DLC1: variants seen among roughly 807,000 people sequenced by gnomAD.
DLC1 encodes the protein rho GTPase-activating protein 7.
DLC1 carries 54 observed loss-of-function variants against 140.3 expected under a neutral mutation model. The ratio of observed to expected loss-of-function variants is 0.38; its 90% CI spans 0.31 to 0.48. The LOEUF is 0.48. Among genes scored for constraint, DLC1 ranks in the 20% least tolerant of loss-of-function variants. The probability of loss-of-function intolerance (pLI) is 0.96; values close to 1 mark genes in which losing one functional copy is unlikely to be tolerated. For synonymous variants in DLC1, 986 were observed against 728.1 expected, an observed-to-expected ratio of 1.35 and a Z score of -5.70; for missense variants, 2,536 against 1,907.0, an observed-to-expected ratio of 1.33 and a Z score of -6.14.
rs138843711 is a variant in DLC1 at position 13,532,721 on chromosome 8, C to G, written c.-125-32525G>C. ...CCTCCCACTTCGGCCTCCCATAGTG[C>G]TGGGACTACAGGTGTGAGCCACCAG... On this transcript the variant is annotated intron_variant, in intron 1 of 1. Coordinates refer to the DLC1 transcript ENST00000631382. 5.1e-4 allele frequency among the ~76,000 whole-genome samples: 77 copies of G among 152,310 alleles called. 1 individual carries two copies. In the East Asian group the frequency reaches 0.014, roughly 27 times the overall value.
At chr8:13,416,728 C>G (rs959719997) in intron 2 of DLC1, among the ~76,000 whole-genome samples, 6 of 152,058 alleles carry the variant, frequency 3.9e-5, no homozygotes, top group African/African-American at 1.4e-4. Flanking sequence ...ATAGTGAATA[C>G]CTGATTAGAA....
chr8:13,123,455 C>T (rs999538839), intron 5 of DLC1, among the ~76,000 whole-genome samples: 31 of 152,224 alleles, frequency 2.0e-4, no homozygotes, highest in Non-Finnish European at 1.0e-4. Context: ...ATTCTCCTGC[C>T]TCAGCCTCCT....
chr8:13,590,077 A>ATATATATATATCTC (rs11272767), intron 1 of DLC1, among the ~76,000 whole-genome samples: 22 of 145,186 alleles, frequency 1.5e-4, no homozygotes, highest in African/African-American at 5.0e-4. Flanking sequence ...ATATATATAT[A>ATATATATATATCTC]CAAACACATG....
intron 5 of DLC1, among the ~76,000 whole-genome samples, chr8:13,122,009 C>T (rs545489642): frequency 6.6e-6 from 1 of 152,238 alleles, no homozygotes; most frequent in African/African-American, 2.4e-5. Flanking sequence ...CTTTGTATTC[C>T]TTCGTCCTGG....
chr8:13,565,673 C>G (rs1804403389), intron 1 of DLC1, among the ~76,000 whole-genome samples: 1 of 151,998 alleles, frequency 6.6e-6, no homozygotes. Context: ...AATAATACCC[C>G]CCAATCCCCA....
At chr8:13,412,279 A>C (rs1837815029) in intron 2 of DLC1, among the ~76,000 whole-genome samples, 1 of 152,220 alleles carries the variant, frequency 6.6e-6, no homozygotes, top group African/African-American at 2.4e-5. Context: ...AATCATGACC[A>C]CACTCAAGTT....
At chr8:13,492,882 G>T (rs1801325487) in intron 2 of DLC1, among the ~76,000 whole-genome samples, 1 of 152,010 alleles carries the variant, frequency 6.6e-6, no homozygotes, top group Non-Finnish European at 1.5e-5. Context: ...TGGCTTTCTG[G>T]TTATTTATAA....
intron 4 of DLC1, among the ~76,000 whole-genome samples, chr8:13,310,276 T>C (rs1832622298): frequency 6.6e-6 from 1 of 152,224 alleles, no homozygotes; most frequent in Non-Finnish European, 1.5e-5. Context: ...GTGTTTGGAG[T>C]ACTGTTTAAG....
chr8:13,236,478 C>G (rs1185787318), intron 5 of DLC1, among the ~76,000 whole-genome samples: 1 of 152,066 alleles, frequency 6.6e-6, no homozygotes, highest in Non-Finnish European at 1.5e-5. Context: ...GCCTATCAAC[C>G]TTGTCCATAT....
chr8:13,418,996 C>G (rs1218299341), intron 2 of DLC1, among the ~76,000 whole-genome samples: 1 of 150,772 alleles, frequency 6.6e-6, no homozygotes, highest in African/African-American at 2.4e-5. Context: ...GGAGTTCACT[C>G]ATGATTTGGC....
At chr8:13,408,314 C>T (rs1837651472) in intron 2 of DLC1, among the ~76,000 whole-genome samples, 1 of 152,146 alleles carries the variant, frequency 6.6e-6, no homozygotes, top group East Asian at 1.9e-4. Context: ...AATCTTTTAA[C>T]TGACATGTAA....
At position 13,283,913 on chromosome 8, in the gene DLC1, G is replaced by A. The variant is rs185236957; in HGVS notation, c.1348+21356C>T. Among the ~76,000 whole-genome samples, 27 of 152,268 alleles carry A rather than the reference G, an allele frequency of 1.8e-4. 1 individual carries two copies. Among genetic ancestry groups the A allele is most frequent in the Middle Eastern group, 6.8e-3 (2 of 294 alleles). On this transcript the variant is annotated intron_variant, in intron 5 of 17. Coordinates refer to ENST00000276297, the MANE Select transcript of DLC1 (RefSeq NM_182643.3). The stretch of plus-strand genomic sequence containing the variant: ...AAGAAGATGGAGCAGAACAAAGAGT[G>A]AGATCTGCAGAGGGGTCTTCCCAAG...
chr8:13,597,927 C>G (rs1982689), intron 1 of DLC1, among the ~76,000 whole-genome samples: 3,370 of 151,848 alleles, frequency 0.022, 125 homozygotes, highest in African/African-American at 0.077. Context: ...ATTTAGTCAC[C>G]GCTTTATGGG....
chr8:13,196,424 A>G (rs548246697), intron 5 of DLC1, among the ~76,000 whole-genome samples: 1 of 152,286 alleles, frequency 6.6e-6, no homozygotes, highest in Admixed American at 6.5e-5. Flanking sequence ...TCATTTCAAC[A>G]CATACCCGTG....
At chr8:13,498,832 C>G in intron 2 of DLC1, 1 of 509,314 alleles carries the variant, frequency 2.0e-6, no homozygotes, top group Non-Finnish European at 3.3e-6. Context: ...ATTCATAAAC[C>G]ATTATACACA....
chr8:13,087,742 T>G (rs1470059370), intron 16 of DLC1, among the ~76,000 whole-genome samples: 2 of 152,254 alleles, frequency 1.3e-5, no homozygotes, highest in Non-Finnish European at 2.9e-5. Context: ...GGTCTGGACT[T>G]CCAATGTGAC....
At chr8:13,340,305 A>T (rs921447797) in intron 4 of DLC1, 1 of 152,278 alleles carries the variant, frequency 6.6e-6, no homozygotes, top group Non-Finnish European at 1.5e-5. Context: ...GATTCAAGCA[A>T]TTCTCCTGCC....
intron 1 of DLC1, among the ~76,000 whole-genome samples, chr8:13,528,067 A>G (rs116200177): frequency 0.014 from 2,069 of 152,292 alleles, 50 homozygotes; most frequent in African/African-American, 0.042. Context: ...CATTATTGTT[A>G]GATAAATAAT....
chr8:13,219,895 T>A (rs1196363334), intron 5 of DLC1, among the ~76,000 whole-genome samples: 4 of 152,156 alleles, frequency 2.6e-5, no homozygotes, highest in Admixed American at 2.6e-4. Flanking sequence ...TTGAGACCAT[T>A]ATAGCAAGTA....
Sources: gnomAD v4.1 joint callset for allele counts (sites outside exome capture counted in the v4.1 genomes callset) on GRCh38, gnomAD v4.1.1 for gene constraint, MANE v1.5 for transcripts, NCBI Gene and HGNC (gene_info 2026-07-23, HGNC 2026-07-21) for gene names.